The following EPM2A variants were observed in gnomAD, a reference collection of about 807,000 sequenced individuals.
EPM2A encodes laforin.
A neutral mutation model predicts 26.5 loss-of-function variants in EPM2A; 21 were observed. The ratio of observed to expected loss-of-function variants is 0.79; its 90% confidence interval spans 0.56 to 1.14. The LOEUF is 1.14. Among genes scored for constraint, EPM2A ranks in the 50% most tolerant of loss-of-function variants. EPM2A has a pLI of 0.00. For missense variants in EPM2A, 458 were observed against 440.8 expected, an observed-to-expected ratio of 1.04 and a Z score of -0.35; for synonymous variants, 217 against 177.6, an observed-to-expected ratio of 1.22 and a Z score of -1.76.
intron 2 of EPM2A, among the ~76,000 whole-genome samples, chr6:145,603,667 A>G (rs1278982108): frequency 6.6e-6 from 1 of 152,214 alleles, no homozygotes; most frequent in Non-Finnish European, 1.5e-5. Flanking sequence ...CATTTAACAC[A>G]TTCTATTGAA....
At chr6:145,557,904 C>A (rs111781725) in intron 2 of EPM2A, among the ~76,000 whole-genome samples, 1 of 152,054 alleles carries the variant, frequency 6.6e-6, no homozygotes, top group Non-Finnish European at 1.5e-5. Flanking sequence ...CCTCTCCAGC[C>A]CCCGGTAACC....
intron 2 of EPM2A, among the ~76,000 whole-genome samples, chr6:145,542,662 A>G (rs1358125603): frequency 6.6e-6 from 1 of 152,180 alleles, no homozygotes; most frequent in African/African-American, 2.4e-5. Flanking sequence ...TCCCCTCTGG[A>G]CAGTCAAATG....
At chr6:145,705,443 T>C (rs1782168854) in intron 1 of EPM2A, 1 of 398,638 alleles carries the variant, frequency 2.5e-6, no homozygotes, top group Non-Finnish European at 5.0e-6. Context: ...TAGTCTCAGC[T>C]ACTTGGGAGG....
chr6:145,567,781 G>A (rs990471614), intron 2 of EPM2A, among the ~76,000 whole-genome samples: 1 of 152,182 alleles, frequency 6.6e-6, no homozygotes, highest in African/African-American at 2.4e-5. Context: ...AAAAGCTAGT[G>A]CTTCACATTC....
intron 4 of EPM2A, among the ~76,000 whole-genome samples, chr6:145,388,275 C>T (rs1031371031): frequency 1.3e-5 from 2 of 152,078 alleles, no homozygotes; most frequent in African/African-American, 2.4e-5. Flanking sequence ...TGTGAAGATC[C>T]ACAGAGTTCT....
At chr6:145,688,599 A>G (rs1041892920) in intron 1 of EPM2A, among the ~76,000 whole-genome samples, 2 of 152,194 alleles carry the variant, frequency 1.3e-5, no homozygotes, top group African/African-American at 4.8e-5. Flanking sequence ...AGAAATCTGA[A>G]CTAAAAAAAT....
intron 2 of EPM2A, among the ~76,000 whole-genome samples, chr6:145,579,933 A>C (rs1373674429): frequency 2.6e-5 from 4 of 152,196 alleles, no homozygotes; most frequent in African/African-American, 9.6e-5. Flanking sequence ...ATATTATAAT[A>C]ATTCACACAT....
intron 1 of EPM2A, among the ~76,000 whole-genome samples, chr6:145,713,119 T>A (rs1428851471): frequency 6.6e-6 from 1 of 152,222 alleles, no homozygotes; most frequent in Non-Finnish European, 1.5e-5. Context: ...TTGTAACAGA[T>A]GTGTTAGTAC....
downstream of EPM2A, among the ~76,000 whole-genome samples, chr6:145,623,926 T>A (rs550028103): frequency 1.3e-5 from 2 of 152,324 alleles, no homozygotes; most frequent in South Asian, 2.1e-4. Flanking sequence ...GAGGTTTGGG[T>A]CCTGAGCAGC....
intron 2 of EPM2A, among the ~76,000 whole-genome samples, chr6:145,611,152 A>T (rs1775384486): frequency 6.6e-6 from 1 of 152,206 alleles, no homozygotes; most frequent in Non-Finnish European, 1.5e-5. Flanking sequence ...TGTACTGACA[A>T]GTATCTTTAT....
intron 4 of EPM2A, among the ~76,000 whole-genome samples, chr6:145,469,563 A>G (rs573149749): frequency 4.8e-4 from 73 of 152,306 alleles, no homozygotes; most frequent in African/African-American, 1.6e-3. Flanking sequence ...GAACTCTCAC[A>G]TACTTTTAGT....
At chr6:145,633,545 C>T (rs189745554) in intron 3 of EPM2A, among the ~76,000 whole-genome samples, 30 of 152,300 alleles carry the variant, frequency 2.0e-4, no homozygotes, top group Middle Eastern at 3.4e-3. Context: ...TATACCCCAT[C>T]CCCAATGGCA....
At chr6:145,713,370 G>C (rs947740574) in intron 1 of EPM2A, among the ~76,000 whole-genome samples, 1 of 152,142 alleles carries the variant, frequency 6.6e-6, no homozygotes. Context: ...TAAGCCCACT[G>C]AAAATGGGCA....
chr6:145,542,990 C>T (rs535972301), intron 2 of EPM2A, among the ~76,000 whole-genome samples: 33 of 152,040 alleles, frequency 2.2e-4, no homozygotes, highest in African/African-American at 7.5e-4. Flanking sequence ...AAATCTTGAC[C>T]TCAGGTGATC....
chr6:145,578,718 A>G (rs1393199003), intron 2 of EPM2A, among the ~76,000 whole-genome samples: 1 of 152,318 alleles, frequency 6.6e-6, no homozygotes, highest in Admixed American at 6.5e-5. Context: ...TATAATTGAC[A>G]TAATAAACTG....
chr6:145,419,714 TAACA>T (rs1302270239), intron 4 of EPM2A, among the ~76,000 whole-genome samples: 1 of 151,986 alleles, frequency 6.6e-6, no homozygotes, highest in African/African-American at 2.4e-5. Flanking sequence ...ATGTAATAAC[TAACA>T]TTCAGTGTCT....
intron 2 of EPM2A, chr6:145,670,878 C>A (rs372786510): frequency 7.1e-6 from 7 of 983,910 alleles, no homozygotes; most frequent in Non-Finnish European, 7.2e-6. Flanking sequence ...AACTCTCACA[C>A]GCCCAGTTAA....
chr6:145,735,334 C>T lies in EPM2A; in HGVS notation c.165G>A (p.Gln55=). 7.4e-7 allele frequency: 1 copy of T among 1,360,078 alleles called. No homozygotes were observed. Among genetic ancestry groups the T allele is most frequent in the Non-Finnish European group, 9.6e-7 (1 of 1,042,902 alleles). The allele number at this position is 1,360,078 out of a possible 1,614,324, so 84.3% of individuals were successfully genotyped here. Residue 55 remains glutamine, a synonymous_variant, in exon 1 of 4, where the codon CAG becomes CAA. Coordinates refer to ENST00000367519, the MANE Select transcript of EPM2A (RefSeq NM_005670.4). Reference sequence around the variant, plus strand: ...CCTCCCCGAGCCACAGGCCCGGCTCCTGCAGGGCCAGGGCCCCGTCGCCCG... The same window carrying T: ...CCTCCCCGAGCCACAGGCCCGGCTCTTGCAGGGCCAGGGCCCCGTCGCCCG... ...TAAGDGALAL[Q]EPGLWLGEVE...
At chr6:145,663,534 C>T (rs963566679) in intron 2 of EPM2A, among the ~76,000 whole-genome samples, 54 of 152,150 alleles carry the variant, frequency 3.5e-4, no homozygotes, top group African/African-American at 1.2e-3. Context: ...AAATCTACGT[C>T]TGATTGGTGT....
Sources: gnomAD v4.1 joint callset for allele counts (sites outside exome capture counted in the v4.1 genomes callset) on GRCh38, gnomAD v4.1.1 for gene constraint, MANE v1.5 for transcripts, NCBI Gene and HGNC (gene_info 2026-07-23, HGNC 2026-07-21) for gene names.